The following SLC4A10 variants were observed in gnomAD, a reference collection of about 807,000 sequenced individuals.
The protein encoded by SLC4A10 is sodium-driven chloride bicarbonate exchanger.
In SLC4A10, 42 loss-of-function variants were observed where a neutral mutation model predicts 137.7. The ratio of observed to expected loss-of-function variants is 0.30; its 90% CI spans 0.24 to 0.39. The LOEUF is 0.39. SLC4A10 is among the 10% of genes least tolerant of loss of function. The probability of loss-of-function intolerance (pLI) is 1.00; values close to 1 mark genes in which losing one functional copy is unlikely to be tolerated. For synonymous variants in SLC4A10, 474 were observed against 464.1 expected (o/e 1.02, Z -0.27); for missense variants, 925 against 1,355.0 (o/e 0.68, Z 4.98).
chr2:161,877,934 G>C (rs779362542), intron 8 of SLC4A10, among the ~76,000 whole-genome samples: 7 of 151,720 alleles, frequency 4.6e-5, no homozygotes, highest in Non-Finnish European at 1.0e-4. Flanking sequence ...ATATTTTGTG[G>C]TATCCTTATT....
At chr2:161,861,134 C>T in intron 5 of SLC4A10, among the ~76,000 whole-genome samples, 1 of 152,128 alleles carries the variant, frequency 6.6e-6, no homozygotes, top group Non-Finnish European at 1.5e-5. Flanking sequence ...ACAAAAAGAG[C>T]TTGTCTTTCT....
At chr2:161,822,390 G>A (rs2057696332) in intron 3 of SLC4A10, among the ~76,000 whole-genome samples, 1 of 152,146 alleles carries the variant, frequency 6.6e-6, no homozygotes, top group Non-Finnish European at 1.5e-5. Flanking sequence ...GTCAGAACTG[G>A]TTGTCATGCA....
intron 26 of SLC4A10, among the ~76,000 whole-genome samples, chr2:161,978,384 C>CAAAAAAAAAAAAAAAAAAAAA (rs61399867): frequency 4.4e-5 from 4 of 90,468 alleles, no homozygotes; most frequent in Non-Finnish European, 8.3e-5. Flanking sequence ...GAGACTCTGT[C>CAAAAAAAAAAAAAAAAAAAAA]AAAAAAAAAA....
At chr2:161,715,190 G>T (rs572873365) in intron 1 of SLC4A10, among the ~76,000 whole-genome samples, 1 of 152,094 alleles carries the variant, frequency 6.6e-6, no homozygotes, top group African/African-American at 2.4e-5. Flanking sequence ...CTCTACAGCT[G>T]TTGGCCTTAA....
intron 10 of SLC4A10, among the ~76,000 whole-genome samples, chr2:161,894,378 C>T (rs1025758314): frequency 4.6e-5 from 7 of 152,114 alleles, no homozygotes; most frequent in African/African-American, 1.7e-4. Context: ...TTTTCCCATA[C>T]ATAAATAACT....
At chr2:161,938,545 G>A (rs894836281) in intron 15 of SLC4A10, among the ~76,000 whole-genome samples, 5 of 150,588 alleles carry the variant, frequency 3.3e-5, no homozygotes, top group Admixed American at 2.0e-4. Flanking sequence ...ATCTATTATC[G>A]ATAATAATAA....
chr2:161,811,725 G>A (rs1441697471), intron 3 of SLC4A10, among the ~76,000 whole-genome samples: 6 of 152,052 alleles, frequency 3.9e-5, no homozygotes, highest in Admixed American at 6.6e-5. Context: ...CTTTCTTCCT[G>A]TTAAAAAGTT....
intron 1 of SLC4A10, among the ~76,000 whole-genome samples, chr2:161,714,112 G>A (rs888711238): frequency 1.3e-5 from 2 of 151,928 alleles, no homozygotes; most frequent in Middle Eastern, 3.2e-3. Flanking sequence ...AACAATAGGA[G>A]ACTCATATAA....
chr2:161,873,150 C>T (rs986973789), intron 7 of SLC4A10, among the ~76,000 whole-genome samples: 1 of 152,006 alleles, frequency 6.6e-6, no homozygotes, highest in Non-Finnish European at 1.5e-5. Flanking sequence ...TAAGGAAATC[C>T]TAGAAGGACA....
intron 15 of SLC4A10, among the ~76,000 whole-genome samples, chr2:161,934,332 C>T (rs56160038): frequency 6.6e-6 from 1 of 152,150 alleles, no homozygotes; most frequent in South Asian, 2.1e-4. Context: ...CCCTTCCCAG[C>T]CTCTGATAAC....
chr2:161,866,232 A>C (rs2060738736), intron 6 of SLC4A10, among the ~76,000 whole-genome samples: 1 of 152,038 alleles, frequency 6.6e-6, no homozygotes, highest in Admixed American at 6.5e-5. Flanking sequence ...TTAAACATTC[A>C]GACACTGTAT....
At chr2:161,651,888 A>T (rs562823523) in intron 1 of SLC4A10, among the ~76,000 whole-genome samples, 5 of 152,340 alleles carry the variant, frequency 3.3e-5, no homozygotes, top group African/African-American at 1.2e-4. Flanking sequence ...CTGAGTGGGC[A>T]GAATGATCCC....
intron 15 of SLC4A10, among the ~76,000 whole-genome samples, chr2:161,921,618 T>C (rs1321064813): frequency 3.9e-5 from 6 of 152,234 alleles, no homozygotes; most frequent in African/African-American, 1.4e-4. Flanking sequence ...CTAGGAGCTA[T>C]TATGAAAACT....
chr2:161,735,378 CTTA>C (rs2125209937), intron 1 of SLC4A10, among the ~76,000 whole-genome samples: 1 of 151,840 alleles, frequency 6.6e-6, no homozygotes, highest in African/African-American at 2.4e-5. Context: ...AGTACATAAA[CTTA>C]AATTTATTTT....
At chr2:161,785,802 C>T (rs926689369) in intron 2 of SLC4A10, among the ~76,000 whole-genome samples, 1 of 151,842 alleles carries the variant, frequency 6.6e-6, no homozygotes, top group African/African-American at 2.4e-5. Context: ...TCTACTCTTG[C>T]TACTTCCATT....
At chr2:161,935,220 G>A (rs998912304) in intron 15 of SLC4A10, among the ~76,000 whole-genome samples, 59 of 152,152 alleles carry the variant, frequency 3.9e-4, no homozygotes, top group African/African-American at 1.3e-3. Context: ...ATTTCGGGTT[G>A]TCTATTCTGT....
intron 19 of SLC4A10, among the ~76,000 whole-genome samples, chr2:161,955,852 T>C (rs1030449561): frequency 1.3e-5 from 2 of 152,192 alleles, no homozygotes; most frequent in East Asian, 3.8e-4. Context: ...CTGCTCATGG[T>C]CATAATAACA....
intron 2 of SLC4A10, among the ~76,000 whole-genome samples, chr2:161,778,256 C>T (rs1256939867): frequency 2.0e-5 from 3 of 151,846 alleles, no homozygotes; most frequent in Non-Finnish European, 4.4e-5. Context: ...TCATTCTGCC[C>T]ATCCATTAGT....
chr2:161,667,910 T>G (rs896628982), intron 1 of SLC4A10, among the ~76,000 whole-genome samples: 5 of 151,790 alleles, frequency 3.3e-5, no homozygotes, highest in African/African-American at 1.2e-4. Flanking sequence ...AATTCTTGTT[T>G]AAAATAACAA....
Sources: allele counts gnomAD v4.1 joint callset (sites outside exome capture counted in the v4.1 genomes callset), GRCh38; gene constraint gnomAD v4.1.1; transcripts MANE v1.5; gene names NCBI Gene and HGNC (gene_info 2026-07-23, HGNC 2026-07-21).